Variants in ALDH2 observed in about 807,000 individuals in gnomAD.
ALDH2 encodes the protein aldehyde dehydrogenase 2 family member, also known as aldehyde dehydrogenase, mitochondrial.
In ALDH2, 44 loss-of-function variants were observed where a neutral mutation model predicts 59.6. The ratio of observed to expected loss-of-function variants is 0.74; its 90% CI spans 0.58 to 0.95. The LOEUF (loss-of-function observed/expected upper bound fraction) is 0.95, where lower values mean the gene tolerates loss of function less well. Among genes scored for constraint, ALDH2 ranks in the 40% least tolerant of loss-of-function variants. The probability of loss-of-function intolerance (pLI) is 0.00; values close to 1 mark genes in which losing one functional copy is unlikely to be tolerated. For synonymous variants in ALDH2, 291 were observed against 284.0 expected, an observed-to-expected ratio of 1.02 and a Z score of -0.25; for missense variants, 570 against 696.3, an observed-to-expected ratio of 0.82 and a Z score of 2.04.
intron 12 of ALDH2, among the ~76,000 whole-genome samples, chr12:111,806,210 A>G (rs1247388547): frequency 7.0e-6 from 1 of 143,376 alleles, no homozygotes; most frequent in Non-Finnish European, 1.5e-5. Context: ...CCAGCTACTC[A>G]GGAGGCTGAG....
chr12:111,778,245 GCAAAAGAGCCCAT>G (rs1228567988), intron 1 of ALDH2, among the ~76,000 whole-genome samples: 3 of 152,274 alleles, frequency 2.0e-5, no homozygotes, highest in Middle Eastern at 3.4e-3. Context: ...AAAATCAGGA[GCAAAAGAGCCCAT>G]ATTCGGCCAG....
chr12:111,786,504 G>A (rs1566186512), intron 4 of ALDH2, among the ~76,000 whole-genome samples: 1 of 151,804 alleles, frequency 6.6e-6, no homozygotes, highest in African/African-American at 2.4e-5. Flanking sequence ...CCAAAGTGCT[G>A]AGATTAGAGG....
In ALDH2 at chr12:111,798,200, G is replaced by C. The variant is rs1225967247; in HGVS notation, c.1206G>C (p.Val402=). 2 of 1,596,602 alleles carry C rather than the reference G, an allele frequency of 1.3e-6. No homozygotes were observed. Among genetic ancestry groups the C allele is most frequent in the Non-Finnish European group, 1.7e-6 (2 of 1,171,208 alleles). The change falls in exon 10 of 13, where the codon GTG becomes GTC. Residue 402 remains valine, a synonymous_variant. Transcript: ENST00000261733. ...GTGGTTACTTCATCCAGCCCACTGT[G>C]TTTGGAGATGTGCAGGATGGCATGA... ...ADRGYFIQPT[V]FGDVQDGMTI... is the part of the protein sequence containing the mutation.
intron 1 of ALDH2, 81 bp from the exon 2 acceptor site, chr12:111,781,834 CTTG>C (rs752247849): frequency 2.2e-4 from 228 of 1,055,274 alleles, no homozygotes; most frequent in Non-Finnish European, 3.1e-4. Flanking sequence ...TTTGCTTTTT[CTTG>C]TTTTTTTTTT....
intron 1 of ALDH2, among the ~76,000 whole-genome samples, chr12:111,768,799 C>T (rs1043852123): frequency 6.6e-6 from 1 of 151,726 alleles, no homozygotes; most frequent in Non-Finnish European, 1.5e-5. Flanking sequence ...GGCAACATAG[C>T]AAGACCCTGT....
rs560424925 is a variant in ALDH2, at chr12:111,813,264, A to G, written c.*3689A>G. ...CTCCACTTGTGGCTGCACAGAGGGC[A>G]CAGAGAGCTTTTCCTTCAGCCCGGA... On this transcript the variant is annotated 3_prime_UTR_variant, in exon 13 of 13. Transcript: ENST00000261733. 5.9e-5 allele frequency: 9 copies of G among 152,330 alleles called. No individual in the cohort carries two copies. The highest frequency in any genetic ancestry group is 2.2e-4 in the African/African-American group (9 of 41,566). 9.4% of individuals were successfully genotyped at this position (152,330 alleles called of 1,614,324 possible). A position where few individuals can be genotyped will look rare whatever the true frequency, so the allele number is the denominator to read the frequency against.
Position 111,787,134 on chromosome 12 carries a change from A to C in ALDH2, c.440+1788A>C, listed in dbSNP as rs187334097. Among the ~76,000 whole-genome samples, 26 of 152,182 alleles carry C rather than the reference A, an allele frequency of 1.7e-4. 1 individual carries two copies. The highest frequency in any genetic ancestry group is 5.5e-4 in the African/African-American group (23 of 41,518). ...GGCACGAGAATCACTTGAACCCAGG[A>C]GGTGGAGGTTACAGTGAGCCGAGAT... is the stretch of plus-strand genomic sequence containing the variant. On this transcript the variant is annotated intron_variant, in intron 4 of 12. Transcript: ENST00000261733.
chr12:111,808,037 T>C (rs1489222884), intron 12 of ALDH2, among the ~76,000 whole-genome samples: 1 of 151,952 alleles, frequency 6.6e-6, no homozygotes, highest in Non-Finnish European at 1.5e-5. Flanking sequence ...CCACCACACC[T>C]GGCTAATTTT....
At position 111,805,424 on chromosome 12, in the gene ALDH2, A is replaced by G. The variant is rs1315942680; in HGVS notation, c.1521+1451A>G. Among the ~76,000 whole-genome samples the G allele has an allele frequency of 2.0e-5, 3 of 152,062 alleles. No homozygotes were observed. In the East Asian group the frequency reaches 5.8e-4, roughly 29 times the overall value. The stretch of plus-strand genomic sequence containing the variant: ...ACTGCAGCCTCCACCTCCTGGGCTG[A>G]AGTGATCCTCGCATCTCAGTCTCCC... On this transcript the variant is annotated intron_variant, in intron 12 of 12. Coordinates refer to ENST00000261733, the MANE Select transcript of ALDH2 (RefSeq NM_000690.4).
chr12:111,798,375 C>T, intron 10 of ALDH2, 133 bp downstream of exon 10: 1 of 894,638 alleles, frequency 1.1e-6, no homozygotes, highest in Non-Finnish European at 1.6e-6. Flanking sequence ...AGAACCAGTG[C>T]CCATAACACG....
chr12:111,807,662 A>G (rs757603878), intron 12 of ALDH2, among the ~76,000 whole-genome samples: 12 of 152,152 alleles, frequency 7.9e-5, no homozygotes, highest in Admixed American at 2.0e-4. Context: ...AACAAAGAGC[A>G]TAGCTTCTGG....
chr12:111,794,129 C>A (rs1369023561), intron 9 of ALDH2, among the ~76,000 whole-genome samples: 1 of 149,916 alleles, frequency 6.7e-6, no homozygotes. Flanking sequence ...AGTGATTCTC[C>A]TGCCCCAGCC....
intron 9 of ALDH2, among the ~76,000 whole-genome samples, chr12:111,793,969 A>G (rs1269363362): frequency 1.4e-5 from 2 of 142,028 alleles, no homozygotes; most frequent in Non-Finnish European, 3.1e-5. Context: ...TCCTCCACCT[A>G]TTCTTCCCTC....
chr12:111,794,158 T>TA (rs1314314691), intron 9 of ALDH2, among the ~76,000 whole-genome samples: 5 of 151,422 alleles, frequency 3.3e-5, no homozygotes, highest in Non-Finnish European at 5.9e-5. Flanking sequence ...AGCTGGGACT[T>TA]ACAGGTGCAT....
At chr12:111,767,318 C>A (rs971051657) in intron 1 of ALDH2, among the ~76,000 whole-genome samples, 3 of 152,184 alleles carry the variant, frequency 2.0e-5, no homozygotes, top group Non-Finnish European at 4.4e-5. Context: ...GACTTGGGCC[C>A]CCTCTCCGTC....
chr12:111,779,914 G>A (rs2068260337), intron 1 of ALDH2, among the ~76,000 whole-genome samples: 2 of 152,066 alleles, frequency 1.3e-5, no homozygotes. Flanking sequence ...TTTTTGAGAC[G>A]GAGTTTCACT....
At chr12:111,789,703 A>G in intron 4 of ALDH2, 120 bp from the exon 5 acceptor site, 1 of 860,244 alleles carries the variant, frequency 1.2e-6, no homozygotes, top group Non-Finnish European at 1.8e-6. Context: ...GAATAAGCCA[A>G]AAGCAAAGAC....
At chr12:111,781,147 A>C (rs539610741) in intron 1 of ALDH2, among the ~76,000 whole-genome samples, 1 of 152,276 alleles carries the variant, frequency 6.6e-6, no homozygotes, top group Non-Finnish European at 1.5e-5. Context: ...AATCTAATTT[A>C]GTTCTCACAA....
At chr12:111,784,471 C>T (rs940519035) in intron 3 of ALDH2, among the ~76,000 whole-genome samples, 3 of 152,252 alleles carry the variant, frequency 2.0e-5, no homozygotes, top group Non-Finnish European at 4.4e-5. Context: ...GCTCTTCGCC[C>T]TGCTGCCATC....
Sources: gnomAD v4.1 joint callset for allele counts (sites outside exome capture counted in the v4.1 genomes callset) on GRCh38, gnomAD v4.1.1 for gene constraint, MANE v1.5 for transcripts, NCBI Gene and HGNC (gene_info 2026-07-23, HGNC 2026-07-21) for gene names.